The following KCNIP3 variants were observed in gnomAD, a reference collection of about 807,000 sequenced individuals.
KCNIP3 encodes the protein potassium voltage-gated channel interacting protein 3.
A neutral mutation model predicts 35.0 loss-of-function variants in KCNIP3; 28 were observed. That is an observed-to-expected ratio of 0.80 (90% confidence interval 0.59 to 1.10). KCNIP3 has a LOEUF of 1.10. Ranked by LOEUF, KCNIP3 falls within the 50% of genes least tolerant of loss-of-function variation. The probability of loss-of-function intolerance (pLI) is 0.00; values close to 1 mark genes in which losing one functional copy is unlikely to be tolerated. For missense variants in KCNIP3, 295 were observed against 338.4 expected, an observed-to-expected ratio of 0.87 and a Z score of 1.01; for synonymous variants, 134 against 133.8, an observed-to-expected ratio of 1.00 and a Z score of -0.01.
Position 95,357,765 on chromosome 2 carries a change from A to G in KCNIP3, c.182-16531A>G, listed in dbSNP as rs899662289. 1.6e-4 allele frequency among the ~76,000 whole-genome samples: 24 copies of G among 152,236 alleles called. 1 individual carries two copies. The highest frequency in any genetic ancestry group is 5.5e-4 in the African/African-American group (23 of 41,548). On this transcript the variant is annotated intron_variant, in intron 2 of 8. Coordinates refer to ENST00000295225, the MANE Select transcript of KCNIP3 (RefSeq NM_013434.5). Reference sequence around the variant, plus strand: ...AAGGCCATGAGTGTTCCCCTTGGTGACCACATGTGTACTTTTGGAAATATC... The same window carrying G: ...AAGGCCATGAGTGTTCCCCTTGGTGGCCACATGTGTACTTTTGGAAATATC...
At chr2:95,354,210 T>G (rs1467805532) in intron 2 of KCNIP3, among the ~76,000 whole-genome samples, 1 of 152,160 alleles carries the variant, frequency 6.6e-6, no homozygotes, top group Non-Finnish European at 1.5e-5. Flanking sequence ...TGCCCTCAGA[T>G]TTTCTGTGTT....
intron 3 of KCNIP3, 140 bp from the exon 4 acceptor site, chr2:95,374,708 A>G (rs1680129489): frequency 3.0e-6 from 3 of 992,796 alleles, no homozygotes; most frequent in African/African-American, 1.6e-5. Flanking sequence ...GCTTTCCACA[A>G]CCCAGGCCAG....
intron 2 of KCNIP3, among the ~76,000 whole-genome samples, chr2:95,372,495 A>G (rs1239516259): frequency 6.6e-6 from 1 of 152,184 alleles, no homozygotes; most frequent in African/African-American, 2.4e-5. Flanking sequence ...CAGTATGTCT[A>G]TATGGTGATG....
chr2:95,359,194 CAG>C (rs1235683123), intron 2 of KCNIP3, among the ~76,000 whole-genome samples: 1 of 152,144 alleles, frequency 6.6e-6, no homozygotes, highest in East Asian at 1.9e-4. Flanking sequence ...CTCATAAGCC[CAG>C]AGTCTCATCT....
At chr2:95,348,128 C>T (rs1372640502) in intron 2 of KCNIP3, among the ~76,000 whole-genome samples, 2 of 152,282 alleles carry the variant, frequency 1.3e-5, no homozygotes. Flanking sequence ...CCACTGGGCT[C>T]TGCCACACCT....
At chr2:95,374,992 T>A in intron 4 of KCNIP3, 75 bp downstream of exon 4, 1 of 1,547,780 alleles carries the variant, frequency 6.5e-7, no homozygotes, top group Non-Finnish European at 8.9e-7. Flanking sequence ...CCTTGCATCC[T>A]GGAGGCTTGG....
intron 2 of KCNIP3, among the ~76,000 whole-genome samples, chr2:95,325,774 TAC>T (rs546954621): frequency 6.8e-4 from 98 of 143,906 alleles, no homozygotes; most frequent in African/African-American, 1.3e-3. Flanking sequence ...CACACTCATA[TAC>T]ACACACTCAT....
intron 1 of KCNIP3, among the ~76,000 whole-genome samples, chr2:95,300,642 G>C (rs923404976): frequency 6.6e-6 from 1 of 152,242 alleles, no homozygotes. Context: ...GGCCTCAGCT[G>C]ACTGATGTTG....
chr2:95,324,362 A>C (rs1237631775), intron 2 of KCNIP3, among the ~76,000 whole-genome samples: 1 of 150,526 alleles, frequency 6.6e-6, no homozygotes, highest in East Asian at 2.0e-4. Context: ...AATACCAAAA[A>C]AATTAGCTGG....
chr2:95,339,864 T>C (rs770034192), intron 2 of KCNIP3, among the ~76,000 whole-genome samples: 3 of 152,154 alleles, frequency 2.0e-5, no homozygotes, highest in Non-Finnish European at 2.9e-5. Context: ...GAGTTCTAGA[T>C]TGGTGGGAGG....
At chr2:95,335,595 G>T (rs897741574) in intron 2 of KCNIP3, among the ~76,000 whole-genome samples, 1 of 152,120 alleles carries the variant, frequency 6.6e-6, no homozygotes, top group African/African-American at 2.4e-5. Context: ...GTACCTACCT[G>T]TGGTTTTCTT....
At chr2:95,297,624 G>T (rs1677903294) in intron 1 of KCNIP3, among the ~76,000 whole-genome samples, 171 bp downstream of exon 1, 1 of 151,972 alleles carries the variant, frequency 6.6e-6, no homozygotes, top group Non-Finnish European at 1.5e-5. Context: ...GCGCTGGGGT[G>T]TCCTGGCTGG....
rs937780273 is a variant in KCNIP3, at chr2:95,384,594, G to C, written c.*545G>C. Reference sequence around the variant, plus strand: ...CAGCTGGGGGGCAGGGGGGAGAGGGGGTAATGGAGGCCAAGCCTGCAGCTT... The same window carrying C: ...CAGCTGGGGGGCAGGGGGGAGAGGGCGTAATGGAGGCCAAGCCTGCAGCTT... On this transcript the variant is annotated 3_prime_UTR_variant, in exon 9 of 9. Transcript: ENST00000295225. 6.5e-6 allele frequency: 1 copy of C among 154,184 alleles called. No homozygotes were observed. Among genetic ancestry groups the C allele is most frequent in the African/African-American group, 2.4e-5 (1 of 41,484 alleles). 9.6% of individuals were successfully genotyped at this position (154,184 alleles called of 1,614,324 possible). A position where few individuals can be genotyped will look rare whatever the true frequency, so the allele number is the denominator to read the frequency against.
At chr2:95,331,764 A>G (rs1678938516) in intron 2 of KCNIP3, among the ~76,000 whole-genome samples, 1 of 152,208 alleles carries the variant, frequency 6.6e-6, no homozygotes. Flanking sequence ...GCCAGTCACG[A>G]CAGGAATACC....
At chr2:95,364,101 A>G (rs1679862087) in intron 2 of KCNIP3, among the ~76,000 whole-genome samples, 1 of 152,212 alleles carries the variant, frequency 6.6e-6, no homozygotes, top group Non-Finnish European at 1.5e-5. Flanking sequence ...GAATGTATCT[A>G]AGCTTTTGCC....
At position 95,382,463 on chromosome 2, in the gene KCNIP3, C is replaced by A. The variant is rs751045256; in HGVS notation, c.642C>A (p.His214Gln). 3 of 1,607,392 alleles carry A rather than the reference C, an allele frequency of 1.9e-6. No individual in the cohort carries two copies. In the East Asian group the frequency reaches 6.8e-5, roughly 36 times the overall value. The change falls in exon 7 of 9, where the codon CAC becomes CAA. Residue 214 changes from histidine to glutamine, a missense_variant. Coordinates refer to ENST00000295225, the MANE Select transcript of KCNIP3 (RefSeq NM_013434.5). The surrounding 1 kb of genome is among the most constrained non-coding windows in gnomAD (Gnocchi z 4.5). Reference sequence around the variant, plus strand: ...TGCGGGAGGACGCGCCGGCGGAGCACGTGGAGAGGTTCTTCGAGGTGAGCG... The same window carrying A: ...TGCGGGAGGACGCGCCGGCGGAGCAAGTGGAGAGGTTCTTCGAGGTGAGCG... ...PILREDAPAEHVERFFEKMDR... is the reference protein window; with the variant it reads ...PILREDAPAEQVERFFEKMDR...
At chr2:95,365,109 G>A (rs1036639654) in intron 2 of KCNIP3, among the ~76,000 whole-genome samples, 4 of 150,254 alleles carry the variant, frequency 2.7e-5, no homozygotes, top group African/African-American at 7.3e-5. Flanking sequence ...CTAGTCTCAG[G>A]TATTCCTTTC....
intron 2 of KCNIP3, among the ~76,000 whole-genome samples, chr2:95,338,103 C>T (rs1435084748): frequency 2.6e-5 from 4 of 152,138 alleles, no homozygotes; most frequent in African/African-American, 4.8e-5. Flanking sequence ...CCCGAGGCAT[C>T]GGCACAGCCA....
At chr2:95,327,284 T>G (rs1678817216) in intron 2 of KCNIP3, among the ~76,000 whole-genome samples, 1 of 152,198 alleles carries the variant, frequency 6.6e-6, no homozygotes, top group Non-Finnish European at 1.5e-5. Flanking sequence ...CCCCAGGACC[T>G]CATTGTCCCC....
Sources: allele counts gnomAD v4.1 joint callset (sites outside exome capture counted in the v4.1 genomes callset), GRCh38; gene constraint gnomAD v4.1.1; non-coding constraint Gnocchi (gnomAD v3.1); transcripts MANE v1.5; gene names NCBI Gene and HGNC (gene_info 2026-07-23, HGNC 2026-07-21).